Variants in KCNMA1 observed in about 807,000 individuals in gnomAD.
KCNMA1 encodes Calcium-activated potassium channel subunit alpha-1.
In KCNMA1, 29 loss-of-function variants were observed where a neutral mutation model predicts 140.0. The observed-to-expected ratio is 0.21, with a 90% CI of 0.15 to 0.28. The LOEUF (loss-of-function observed/expected upper bound fraction) is 0.28, where lower values mean the gene tolerates loss of function less well. Among genes scored for constraint, KCNMA1 ranks in the 10% least tolerant of loss-of-function variants. KCNMA1 has a pLI of 1.00. For synonymous variants in KCNMA1, 612 were observed against 611.9 expected (o/e 1.00, Z 0.00); for missense variants, 880 against 1,602.2 (o/e 0.55, Z 7.70).
chr10:77,163,100 C>T (rs1230989034), intron 5 of KCNMA1, among the ~76,000 whole-genome samples: 1 of 152,130 alleles, frequency 6.6e-6, no homozygotes, highest in Non-Finnish European at 1.5e-5. Context: ...AATCTTCCTC[C>T]TATAGCAGGG....
chr10:77,189,549 G>A (rs561266978), intron 3 of KCNMA1, among the ~76,000 whole-genome samples: 7 of 152,220 alleles, frequency 4.6e-5, no homozygotes, highest in East Asian at 1.9e-4. Flanking sequence ...GAGGGGTTAC[G>A]GAGACCATCA....
At position 77,137,670 on chromosome 10, in the gene KCNMA1, C is replaced by T. The variant is rs143121179; in HGVS notation, c.809-16622G>A. On this transcript the variant is annotated intron_variant, in intron 5 of 27. Coordinates refer to ENST00000286628, the MANE Select transcript of KCNMA1 (RefSeq NM_001161352.2). Reference sequence around the variant, plus strand: ...CTGTCTCGCTTCCTCTCAAATGCCCCTGGGCTTTTGTTCCCACAGTCAGAA... The same window carrying T: ...CTGTCTCGCTTCCTCTCAAATGCCCTTGGGCTTTTGTTCCCACAGTCAGAA... Among the ~76,000 whole-genome samples the T allele has an allele frequency of 1.8e-3, 271 of 152,316 alleles. 2 individuals are homozygous for T. The highest frequency in any genetic ancestry group is 2.7e-3 in the Admixed American group (41 of 15,296).
intron 1 of KCNMA1, among the ~76,000 whole-genome samples, chr10:77,625,905 A>G (rs988286536): frequency 5.9e-5 from 9 of 152,318 alleles, no homozygotes; most frequent in African/African-American, 2.2e-4. Context: ...TGAATGATTA[A>G]TTTGTTTTGA....
At chr10:76,879,849 G>A (rs1446494112) in intron 29 of KCNMA1, among the ~76,000 whole-genome samples, 2 of 152,208 alleles carry the variant, frequency 1.3e-5, no homozygotes, top group Admixed American at 1.3e-4. Context: ...AGTAAAGTGT[G>A]ATGGTTATCA....
At chr10:76,904,173 T>C (rs2046808698) in intron 25 of KCNMA1, 1 of 152,232 alleles carries the variant, frequency 6.6e-6, no homozygotes, top group Non-Finnish European at 1.5e-5. Context: ...ATCATTCCCA[T>C]TTAACAGTAG....
At chr10:77,155,351 T>G (rs2098470793) in intron 5 of KCNMA1, among the ~76,000 whole-genome samples, 1 of 152,238 alleles carries the variant, frequency 6.6e-6, no homozygotes, top group African/African-American at 2.4e-5. Context: ...TAATCATTTT[T>G]AAATCACTCA....
chr10:76,981,593 G>C (rs1010331211), intron 19 of KCNMA1, among the ~76,000 whole-genome samples: 2 of 152,140 alleles, frequency 1.3e-5, no homozygotes, highest in Non-Finnish European at 2.9e-5. Flanking sequence ...GCATGGCGGG[G>C]TAGAGAGGCA....
rs1589502092 is a variant in KCNMA1, at chr10:76,885,594, T to C, written c.*1672A>G. On this transcript the variant is annotated 3_prime_UTR_variant, in exon 28 of 28. Transcript: ENST00000286628. ...CACCTTTTTAGAGATGGTACAGCTG[T>C]GACATGTTTTCCTCCTCCCTTTTAC... is the stretch of plus-strand genomic sequence containing the variant. 2 of 985,398 alleles carry C rather than the reference T, an allele frequency of 2.0e-6. No homozygotes were observed. 61.0% of individuals were successfully genotyped at this position (985,398 alleles called of 1,614,324 possible).
intron 25 of KCNMA1, among the ~76,000 whole-genome samples, chr10:76,908,873 C>G (rs2048881417): frequency 6.6e-6 from 1 of 152,224 alleles, no homozygotes; most frequent in African/African-American, 2.4e-5. Flanking sequence ...CTTCATAATA[C>G]CCAGGTTATG....
intron 1 of KCNMA1, 80 bp downstream of exon 1, chr10:77,637,185 G>T (rs930883658): frequency 3.7e-6 from 5 of 1,358,578 alleles, no homozygotes; most frequent in African/African-American, 1.5e-5. Flanking sequence ...GGCGCGGCGC[G>T]GAGCGAGGAG....
chr10:77,520,049 AGGGTGTGCAGTG>A (rs2052442962), intron 1 of KCNMA1, among the ~76,000 whole-genome samples: 1 of 834 alleles, frequency 1.2e-3, no homozygotes, highest in Non-Finnish European at 2.7e-3. Flanking sequence ...GTGCAGTGTG[AGGGTGTGCAGTG>A]TGAGGGTGTG....
At chr10:77,374,604 C>G (rs1312118125) in intron 2 of KCNMA1, among the ~76,000 whole-genome samples, 1 of 152,136 alleles carries the variant, frequency 6.6e-6, no homozygotes, top group African/African-American at 2.4e-5. Flanking sequence ...TTCTCCAAAC[C>G]TATCTTGACA....
At chr10:77,274,794 G>A (rs187367326) in intron 2 of KCNMA1, among the ~76,000 whole-genome samples, 130 of 152,336 alleles carry the variant, frequency 8.5e-4, no homozygotes, top group African/African-American at 3.0e-3. Context: ...AGGAAATGGA[G>A]TAAGTTTGGT....
At chr10:77,036,636 C>A (rs767768141) in intron 15 of KCNMA1, among the ~76,000 whole-genome samples, 6 of 152,146 alleles carry the variant, frequency 3.9e-5, no homozygotes, top group Non-Finnish European at 7.3e-5. Flanking sequence ...CGTGAACCAG[C>A]TTAAAATATA....
At chr10:76,975,475 C>CAACCCATACT (rs1032867986) in intron 19 of KCNMA1, 1 of 152,188 alleles carries the variant, frequency 6.6e-6, no homozygotes, top group Non-Finnish European at 1.5e-5. Context: ...GCCAGCTGAA[C>CAACCCATACT]AACCCATACT....
intron 14 of KCNMA1, among the ~76,000 whole-genome samples, chr10:77,045,624 G>A (rs1375509415): frequency 6.6e-6 from 1 of 152,178 alleles, no homozygotes; most frequent in Non-Finnish European, 1.5e-5. Context: ...CTCAGCCTTG[G>A]CTCCACGGGA....
chr10:76,917,021 C>G (rs1456363336), intron 23 of KCNMA1, among the ~76,000 whole-genome samples: 1 of 152,190 alleles, frequency 6.6e-6, no homozygotes. Flanking sequence ...TAGTGTCCAT[C>G]TTTTCAAACT....
At chr10:77,483,300 A>G (rs766104343) in intron 1 of KCNMA1, among the ~76,000 whole-genome samples, 1 of 152,224 alleles carries the variant, frequency 6.6e-6, no homozygotes, top group Non-Finnish European at 1.5e-5. Flanking sequence ...AGGGAAGGAC[A>G]TCCGGCAGTT....
intron 2 of KCNMA1, among the ~76,000 whole-genome samples, chr10:77,357,508 C>T (rs188105012): frequency 6.6e-6 from 1 of 152,336 alleles, no homozygotes; most frequent in Non-Finnish European, 1.5e-5. Context: ...TTCCATTCAG[C>T]ACTTTTTATC....
Sources: gnomAD v4.1 joint callset for allele counts (sites outside exome capture counted in the v4.1 genomes callset) on GRCh38, gnomAD v4.1.1 for gene constraint, MANE v1.5 for transcripts, NCBI Gene and HGNC (gene_info 2026-07-23, HGNC 2026-07-21) for gene names.